OSBPL6: variants seen among roughly 807,000 people sequenced by gnomAD.
OSBPL6 encodes oxysterol binding protein like 6.
In OSBPL6, 49 loss-of-function variants were observed where a neutral mutation model predicts 125.8. The ratio of observed to expected loss-of-function variants is 0.39; its 90% CI spans 0.31 to 0.49. OSBPL6 has a LOEUF of 0.49. Ranked by LOEUF, OSBPL6 falls within the 20% of genes least tolerant of loss-of-function variation. The probability of loss-of-function intolerance (pLI) is 0.88; values close to 1 mark genes in which losing one functional copy is unlikely to be tolerated. For synonymous variants in OSBPL6, 394 were observed against 391.8 expected (o/e 1.01, Z -0.07); for missense variants, 986 against 1,135.4 (o/e 0.87, Z 1.89).
rs888786403 is a variant in OSBPL6 at position 178,224,449 on chromosome 2, A to C, written c.-351+29775A>C. ...AATGAAAATATTTTTTCACTGAAAC[A>C]GCCTTGCATGTGAATGTCTTTGATT... On this transcript the variant is annotated intron_variant, in intron 1 of 24. Transcript: ENST00000190611. 5.3e-5 allele frequency among the ~76,000 whole-genome samples: 8 copies of C among 152,222 alleles called. No individual in the cohort carries two copies. In the South Asian group the frequency reaches 1.7e-3, roughly 32 times the overall value.
chr2:178,327,949 G>C (rs1041644134), intron 4 of OSBPL6, among the ~76,000 whole-genome samples: 1 of 152,102 alleles, frequency 6.6e-6, no homozygotes, highest in Admixed American at 6.5e-5. Flanking sequence ...TCACTGTCTG[G>C]AAAAATGAAT....
At chr2:178,369,545 C>T (rs1162467562) in intron 13 of OSBPL6, among the ~76,000 whole-genome samples, 1 of 152,132 alleles carries the variant, frequency 6.6e-6, no homozygotes, top group African/African-American at 2.4e-5. Flanking sequence ...CTACTTAGCC[C>T]TGAGATCAAG....
rs71023440 is a variant in OSBPL6, at chr2:178,310,412, CTTTTTTTT to C, written c.102+4142_102+4149del. Among the ~76,000 whole-genome samples the C allele has an allele frequency of 5.8e-5, 5 of 85,690 alleles. No homozygotes were observed. In the South Asian group the frequency reaches 2.2e-3, roughly 37 times the overall value. 56.2% of individuals were successfully genotyped at this position (85,690 alleles called of 152,430 possible). A position where few individuals can be genotyped will look rare whatever the true frequency, so the allele number is the denominator to read the frequency against. Reference sequence around the variant, plus strand: ...AGTTTAACATGCCCAAAACTGAACTCTTTTTTTTTTTTTTTTTTTTTTTGAGACGGAGT... The same window carrying C: ...AGTTTAACATGCCCAAAACTGAACTCTTTTTTTTTTTTTTTGAGACGGAGT... On this transcript the variant is annotated intron_variant, in intron 3 of 24. Transcript: ENST00000190611.
At chr2:178,274,175 AAG>A (rs1437794244) in intron 1 of OSBPL6, among the ~76,000 whole-genome samples, 6 of 152,332 alleles carry the variant, frequency 3.9e-5, no homozygotes, top group African/African-American at 1.4e-4. Context: ...AAGCTAGTAA[AAG>A]AATTTTATCA....
At chr2:178,282,007 G>T (rs944125360) in intron 1 of OSBPL6, among the ~76,000 whole-genome samples, 3 of 152,158 alleles carry the variant, frequency 2.0e-5, no homozygotes, top group African/African-American at 7.2e-5. Flanking sequence ...GCTTCCCGGA[G>T]TACACACAGT....
At chr2:178,246,275 C>G (rs545335205) in intron 1 of OSBPL6, among the ~76,000 whole-genome samples, 1 of 152,302 alleles carries the variant, frequency 6.6e-6, no homozygotes, top group East Asian at 1.9e-4. Context: ...TATCTGAGTT[C>G]CCGTTTTCCA....
At chr2:178,338,666 C>G (rs891077239) in intron 9 of OSBPL6, among the ~76,000 whole-genome samples, 1 of 152,194 alleles carries the variant, frequency 6.6e-6, no homozygotes, top group African/African-American at 2.4e-5. Flanking sequence ...AATGAAACCA[C>G]AGGACTGCTG....
intron 1 of OSBPL6, among the ~76,000 whole-genome samples, chr2:178,213,305 C>T (rs1269635972): frequency 6.6e-6 from 1 of 151,984 alleles, no homozygotes; most frequent in African/African-American, 2.4e-5. Context: ...TTCTGAATTC[C>T]AGAGGCACAT....
intron 13 of OSBPL6, among the ~76,000 whole-genome samples, chr2:178,368,048 T>C (rs1222720971): frequency 1.3e-5 from 2 of 152,212 alleles, no homozygotes; most frequent in Non-Finnish European, 2.9e-5. Context: ...TGCCATCTTC[T>C]AGGCCCTTTT....
chr2:178,336,440 T>G lies in OSBPL6; in HGVS notation c.790+7T>G. 1.2e-6 allele frequency: 2 copies of G among 1,613,152 alleles called. No individual in the cohort carries two copies. Among genetic ancestry groups the G allele is most frequent in the Non-Finnish European group, 1.7e-6 (2 of 1,179,652 alleles). On this transcript the variant is annotated splice_region_variant and intron_variant, in intron 9 of 24. Coordinates refer to ENST00000190611, the MANE Select transcript of OSBPL6 (RefSeq NM_032523.4). ...ATGGACAGGTGTGCAGAAGGTTAGT[T>G]CTTGCCCAGTGTGGCCTGAGAGTAA...
At chr2:178,227,302 T>A (rs929675678) in intron 1 of OSBPL6, among the ~76,000 whole-genome samples, 2 of 152,234 alleles carry the variant, frequency 1.3e-5, no homozygotes, top group African/African-American at 4.8e-5. Context: ...AAAAGTCTGT[T>A]AATATCTAGA....
chr2:178,354,251 G>A (rs554068322), intron 12 of OSBPL6, among the ~76,000 whole-genome samples: 1 of 152,140 alleles, frequency 6.6e-6, no homozygotes, highest in Non-Finnish European at 1.5e-5. Flanking sequence ...AACTTTAAAC[G>A]TAAATGGGCT....
chr2:178,208,483 C>G (rs1030864332), intron 1 of OSBPL6, among the ~76,000 whole-genome samples: 1 of 152,064 alleles, frequency 6.6e-6, no homozygotes, highest in Non-Finnish European at 1.5e-5. Flanking sequence ...ATTTGATATC[C>G]TCCCTCAAGA....
In OSBPL6 at chr2:178,349,390, G is replaced by A; in HGVS notation, c.1153+1G>A. 6.2e-7 allele frequency: 1 copy of A among 1,613,646 alleles called. No homozygotes were observed. Among genetic ancestry groups the A allele is most frequent in the Non-Finnish European group, 8.5e-7 (1 of 1,179,794 alleles). On this transcript the variant is annotated splice_donor_variant, in intron 12 of 24. Transcript: ENST00000190611. LOFTEE classifies it high-confidence loss of function. ...GAATTTTGTCTAATCGCACAGAAAG[G>A]TAAGAACAAAAATAATGCGCCCTTT...
chr2:178,381,981 T>C (rs1428213700), intron 15 of OSBPL6, among the ~76,000 whole-genome samples: 4 of 152,208 alleles, frequency 2.6e-5, no homozygotes, highest in African/African-American at 9.7e-5. Context: ...ACTGGGCAAC[T>C]CCTATTCATT....
chr2:178,285,979 G>C (rs973914144), intron 2 of OSBPL6, among the ~76,000 whole-genome samples: 2 of 152,196 alleles, frequency 1.3e-5, no homozygotes, highest in African/African-American at 4.8e-5. Flanking sequence ...CCTCTTGGTA[G>C]AGCAGAAACC....
chr2:178,297,746 G>C (rs1000555628), intron 2 of OSBPL6, among the ~76,000 whole-genome samples: 2 of 152,170 alleles, frequency 1.3e-5, no homozygotes, highest in Admixed American at 6.5e-5. Flanking sequence ...TAATAGGTTG[G>C]AAAGATTTCA....
intron 15 of OSBPL6, among the ~76,000 whole-genome samples, chr2:178,377,740 A>C (rs758715083): frequency 5.9e-5 from 9 of 152,190 alleles, no homozygotes; most frequent in Middle Eastern, 6.8e-3. Flanking sequence ...TCAGACCCTT[A>C]CTCAAAGGTC....
At position 178,351,197 on chromosome 2, in the gene OSBPL6, C is replaced by T. The variant is rs1411739162; in HGVS notation, c.1153+1808C>T. On this transcript the variant is annotated intron_variant, in intron 12 of 24. Coordinates refer to ENST00000190611, the MANE Select transcript of OSBPL6 (RefSeq NM_032523.4). ...AAGATCTGGTACAAGGCAAGGTGGC[C>T]CACTCCTCCTGCTTCTGTTCAACAT... 2.6e-5 allele frequency among the ~76,000 whole-genome samples: 4 copies of T among 151,908 alleles called. No individual in the cohort carries two copies. In the East Asian group the frequency reaches 7.7e-4, roughly 29 times the overall value.
Sources: gnomAD v4.1 joint callset for allele counts (sites outside exome capture counted in the v4.1 genomes callset) on GRCh38, gnomAD v4.1.1 for gene constraint, MANE v1.5 for transcripts, NCBI Gene and HGNC (gene_info 2026-07-23, HGNC 2026-07-21) for gene names.